The following DCT variants were observed in gnomAD, a reference collection of about 807,000 sequenced individuals.
The protein encoded by DCT is L-dopachrome tautomerase.
In DCT, 47 loss-of-function variants were observed where a neutral mutation model predicts 53.0. The ratio of observed to expected loss-of-function variants is 0.89; its 90% CI spans 0.70 to 1.13. DCT has a LOEUF of 1.13. Among genes scored for constraint, DCT ranks in the 50% most tolerant of loss-of-function variants. DCT has a pLI of 0.00. For synonymous variants in DCT, 244 were observed against 237.0 expected, an observed-to-expected ratio of 1.03 and a Z score of -0.27; for missense variants, 669 against 637.4, an observed-to-expected ratio of 1.05 and a Z score of -0.53.
chr13:94,540,505 T>C, the DCT span, among the ~76,000 whole-genome samples: 12 of 152,290 alleles, frequency 7.9e-5, no homozygotes, highest in South Asian at 8.3e-4. Flanking sequence ...AAGATGTGAA[T>C]AGACATTTCT....
intron 6 of DCT, among the ~76,000 whole-genome samples, chr13:94,458,135 T>C (rs950491910): frequency 2.6e-5 from 4 of 152,184 alleles, no homozygotes; most frequent in Non-Finnish European, 5.9e-5. Context: ...TTACCAATTA[T>C]GGCTTTAACC....
In DCT at chr13:94,479,317, T is replaced by A. The variant is rs769653605; in HGVS notation, c.-62A>T. On this transcript the variant is annotated 5_prime_UTR_variant, in exon 1 of 8. Coordinates refer to ENST00000377028, the MANE Select transcript of DCT (RefSeq NM_001922.5). The stretch of plus-strand genomic sequence containing the variant: ...TTTCCTTGTCTCTGTCGTACTTTTC[T>A]CCTTATCTTCTACTCTTTCAGTCTT... The A allele has an allele frequency of 7.4e-7, 1 of 1,353,382 alleles. No homozygotes were observed. Among genetic ancestry groups the A allele is most frequent in the Non-Finnish European group, 1.0e-6 (1 of 1,001,490 alleles). 83.8% of individuals were successfully genotyped at this position (1,353,382 alleles called of 1,614,324 possible). A position where few individuals can be genotyped will look rare whatever the true frequency, so the allele number is the denominator to read the frequency against.
chr13:94,475,499 C>T (rs1467937542), intron 1 of DCT, among the ~76,000 whole-genome samples: 2 of 152,032 alleles, frequency 1.3e-5, no homozygotes, highest in Non-Finnish European at 2.9e-5. Context: ...GAGAAGTACA[C>T]GACGGAATTG....
At chr13:94,546,343 G>C in the DCT span, among the ~76,000 whole-genome samples, 1 of 152,034 alleles carries the variant, frequency 6.6e-6, no homozygotes, top group South Asian at 2.1e-4. The surrounding 1 kb of genome is among the most constrained non-coding windows in gnomAD (Gnocchi z 4.2). Context: ...AGCCCCACTG[G>C]TTCCTCTCCG....
chr13:94,547,984 A>AAAAAAAATATATATAT, the DCT span, among the ~76,000 whole-genome samples: 3 of 65,820 alleles, frequency 4.6e-5, no homozygotes, highest in African/African-American at 3.9e-4. Flanking sequence ...AAAAAAAAAA[A>AAAAAAAATATATATAT]ATATATATAT....
the DCT span, among the ~76,000 whole-genome samples, chr13:94,504,439 C>T: frequency 1.3e-5 from 2 of 152,186 alleles, no homozygotes; most frequent in Admixed American, 6.5e-5. Flanking sequence ...ACAATCTCAG[C>T]TCACTGCAAC....
At chr13:94,547,984 A>AAAAATATATATATAT in the DCT span, among the ~76,000 whole-genome samples, 2 of 65,820 alleles carry the variant, frequency 3.0e-5, no homozygotes, top group African/African-American at 1.3e-4. Context: ...AAAAAAAAAA[A>AAAAATATATATATAT]ATATATATAT....
chr13:94,486,697 A>G, the DCT span, among the ~76,000 whole-genome samples: 1 of 152,172 alleles, frequency 6.6e-6, no homozygotes, highest in Non-Finnish European at 1.5e-5. Context: ...GACCATGTGA[A>G]TCTTAGGATG....
chr13:94,477,377 G>A (rs1053473603), intron 1 of DCT, among the ~76,000 whole-genome samples: 15 of 152,214 alleles, frequency 9.9e-5, no homozygotes, highest in South Asian at 2.1e-4. Flanking sequence ...GATTACAGGC[G>A]TGAGCCACTG....
At chr13:94,521,455 G>A in the DCT span, among the ~76,000 whole-genome samples, 1 of 152,364 alleles carries the variant, frequency 6.6e-6, no homozygotes, top group Non-Finnish European at 1.5e-5. Flanking sequence ...CGGATCACCT[G>A]AGGTCAGGAG....
rs542989966 is a variant in DCT, at chr13:94,466,613, G to C, written c.641C>G (p.Pro214Arg). ...GTACCGGTGCCAGGTAACAAATGCA[G>C]GTCCTTGATGTGAGAAATCTATGGC... ...YRAIDFSHQG[P>R]AFVTWHRYHL... Residue 214 changes from proline to arginine, a missense_variant, in exon 3 of 8, where the codon CCT becomes CGT. Coordinates refer to ENST00000377028, the MANE Select transcript of DCT (RefSeq NM_001922.5). 1.2e-6 allele frequency: 2 copies of C among 1,612,274 alleles called. No homozygotes were observed. The highest frequency in any genetic ancestry group is 3.3e-5 in the Admixed American group (2 of 59,862).
chr13:94,514,204 T>C, the DCT span, among the ~76,000 whole-genome samples: 1 of 151,794 alleles, frequency 6.6e-6, no homozygotes, highest in African/African-American at 2.4e-5. Context: ...TCCATCCTAA[T>C]GAAATACGGA....
At chr13:94,523,203 C>A in the DCT span, among the ~76,000 whole-genome samples, 1 of 152,194 alleles carries the variant, frequency 6.6e-6, no homozygotes, top group Non-Finnish European at 1.5e-5. Context: ...TGCTAATCAG[C>A]CATACTGACT....
intron 6 of DCT, 55 bp downstream of exon 6, chr13:94,460,036 T>G: frequency 6.5e-7 from 1 of 1,543,592 alleles, no homozygotes; most frequent in Non-Finnish European, 8.9e-7. Context: ...TATGAAAAAA[T>G]AAATCTGACA....
Position 94,462,209 on chromosome 13 carries a change from T to C in DCT, c.864-20A>G. The C allele has an allele frequency of 6.3e-7, 1 of 1,593,656 alleles. No individual in the cohort carries two copies. The highest frequency in any genetic ancestry group is 8.6e-7 in the Non-Finnish European group (1 of 1,161,994). On this transcript the variant is annotated intron_variant, in intron 4 of 7. Transcript: ENST00000377028. ...TCCAAGCTAAGATTTGTAATAAGAT[T>C]TAAAATAATATATGTTGGCTGGGCA...
intron 6 of DCT, among the ~76,000 whole-genome samples, chr13:94,449,684 G>C (rs1459548067): frequency 6.6e-6 from 1 of 152,194 alleles, no homozygotes; most frequent in African/African-American, 2.4e-5. Context: ...TTTTAAATGA[G>C]AGAATTCCTA....
At chr13:94,440,374 C>G (rs1239342609) in intron 7 of DCT, among the ~76,000 whole-genome samples, 5 of 152,152 alleles carry the variant, frequency 3.3e-5, no homozygotes, top group Admixed American at 3.3e-4. Context: ...AACTACTTTT[C>G]TGAGTTAGAA....
chr13:94,503,806 T>C, the DCT span, among the ~76,000 whole-genome samples: 1 of 152,248 alleles, frequency 6.6e-6, no homozygotes, highest in East Asian at 1.9e-4. Flanking sequence ...TGGTAATTTG[T>C]GACAGCAGCC....
chr13:94,511,943 A>G, the DCT span, among the ~76,000 whole-genome samples: 1 of 151,856 alleles, frequency 6.6e-6, no homozygotes, highest in Admixed American at 6.6e-5. Flanking sequence ...AGCTCACTGC[A>G]GCCTCCAACT....
Sources: gnomAD v4.1 joint callset for allele counts (sites outside exome capture counted in the v4.1 genomes callset) on GRCh38, gnomAD v4.1.1 for gene constraint, Gnocchi (gnomAD v3.1) non-coding constraint, MANE v1.5 for transcripts, NCBI Gene and HGNC (gene_info 2026-07-23, HGNC 2026-07-21) for gene names.